The following IP6K3 variants were observed in gnomAD, a reference collection of about 807,000 sequenced individuals.
The protein encoded by IP6K3 is inositol hexakisphosphate kinase 3.
Under a neutral mutation model 28.8 loss-of-function variants are expected in IP6K3, and 20 were observed. That is an observed-to-expected ratio of 0.70 (90% CI 0.49 to 1.01). The LOEUF (loss-of-function observed/expected upper bound fraction) is 1.01, where lower values mean the gene tolerates loss of function less well. Ranked by LOEUF, IP6K3 falls within the 50% of genes least tolerant of loss-of-function variation. The pLI is 0.00. For synonymous variants in IP6K3, 213 were observed against 221.3 expected (o/e 0.96, Z 0.33); for missense variants, 480 against 537.1 (o/e 0.89, Z 1.05).
intron 1 of IP6K3, among the ~76,000 whole-genome samples, chr6:33,741,983 A>T (rs1336366812): frequency 6.6e-6 from 1 of 152,238 alleles, no homozygotes; most frequent in Non-Finnish European, 1.5e-5. Flanking sequence ...AGCAAAAAAA[A>T]AAAAAACAAA....
the IP6K3 span, among the ~76,000 whole-genome samples, chr6:33,755,403 G>C: frequency 6.6e-6 from 1 of 152,266 alleles, no homozygotes; most frequent in Non-Finnish European, 1.5e-5. Flanking sequence ...GCAGTGCCGG[G>C]AAGGGCAGCC....
rs779692737 is a variant in IP6K3, at chr6:33,725,509, CCTT to C, written c.694_696del (p.Lys232del). ...TGCGCACACTTCCTCATGTGGCGGG[CCTT>C]CTTCTCCTCCGATGCATCATCGCCG... On this transcript the variant is annotated inframe_deletion, in exon 5 of 6. Coordinates refer to ENST00000293756, the MANE Select transcript of IP6K3 (RefSeq NM_054111.5). 2.4e-5 allele frequency: 38 copies of C among 1,613,930 alleles called. 1 individual carries two copies. The highest frequency in any genetic ancestry group is 6.6e-5 in the South Asian group (6 of 91,082).
chr6:33,739,599 C>T (rs1766648753), intron 1 of IP6K3, among the ~76,000 whole-genome samples: 1 of 152,234 alleles, frequency 6.6e-6, no homozygotes, highest in African/African-American at 2.4e-5. Context: ...GTGTGGCCTC[C>T]AGCTCTGTGG....
intron 1 of IP6K3, among the ~76,000 whole-genome samples, chr6:33,741,328 A>T (rs1766711141): frequency 6.6e-6 from 1 of 152,214 alleles, no homozygotes; most frequent in Non-Finnish European, 1.5e-5. Context: ...GGCACCCAGT[A>T]TGGAGCTCTT....
chr6:33,726,919 G>A lies in IP6K3; in HGVS notation c.414-13C>T, dbSNP rs1042765772. 5.0e-6 allele frequency: 8 copies of A among 1,590,036 alleles called. No homozygotes were observed. The highest frequency in any genetic ancestry group is 6.9e-6 in the Non-Finnish European group (8 of 1,162,678). ...AGCCTTGGCCGGGCTGCGGCGGAGTGGAGCACAGGACGGTCAGAGCAGAGG... is the reference window on the plus strand; with the variant it reads ...AGCCTTGGCCGGGCTGCGGCGGAGTAGAGCACAGGACGGTCAGAGCAGAGG... On this transcript the variant is annotated splice_polypyrimidine_tract_variant and intron_variant, in intron 3 of 5. Coordinates refer to ENST00000293756, the MANE Select transcript of IP6K3 (RefSeq NM_054111.5).
In IP6K3 at chr6:33,742,895, C is replaced by T. The variant is rs1455850470; in HGVS notation, c.-180+3863G>A. On this transcript the variant is annotated intron_variant, in intron 1 of 5. Transcript: ENST00000293756. This position sits in a 1 kb window ranked among gnomAD's most constrained non-coding sequence, Gnocchi z 4.5. ...TCCAGGAGGAGGGGAGATGTTGGCT[C>T]AGCCTTGGGGAGCTTGGGGAGGGCC... Among the ~76,000 whole-genome samples, 2 of 151,978 alleles carry T rather than the reference C, an allele frequency of 1.3e-5. No individual in the cohort carries two copies. Among genetic ancestry groups the T allele is most frequent in the Non-Finnish European group, 2.9e-5 (2 of 67,986 alleles).
At chr6:33,756,320 G>C in the IP6K3 span, among the ~76,000 whole-genome samples, 1 of 152,212 alleles carries the variant, frequency 6.6e-6, no homozygotes, top group Non-Finnish European at 1.5e-5. Context: ...GCAGAGACTT[G>C]AGGAGGTAGG....
intron 2 of IP6K3, among the ~76,000 whole-genome samples, chr6:33,731,511 C>T (rs1227875075): frequency 6.6e-6 from 1 of 152,220 alleles, no homozygotes; most frequent in Non-Finnish European, 1.5e-5. Flanking sequence ...TTCCATTTCT[C>T]ATATTGTCAG....
At chr6:33,757,090 A>G in the IP6K3 span, among the ~76,000 whole-genome samples, 1 of 152,224 alleles carries the variant, frequency 6.6e-6, no homozygotes, top group African/African-American at 2.4e-5. Context: ...TATCCTCTGC[A>G]CACCTGGCCT....
intron 1 of IP6K3, among the ~76,000 whole-genome samples, chr6:33,743,523 G>T (rs539256762): frequency 6.6e-6 from 1 of 152,338 alleles, no homozygotes; most frequent in Admixed American, 6.5e-5. Context: ...TTCTCACATG[G>T]CTGAGGGGTT....
In IP6K3 at chr6:33,746,342, C is replaced by T. The variant is rs183673034; in HGVS notation, c.-180+416G>A. Among the ~76,000 whole-genome samples the T allele has an allele frequency of 2.6e-5, 4 of 152,264 alleles. No individual in the cohort carries two copies. Among genetic ancestry groups the T allele is most frequent in the East Asian group, 1.9e-4 (1 of 5,176 alleles). On this transcript the variant is annotated intron_variant, in intron 1 of 5. Coordinates refer to ENST00000293756, the MANE Select transcript of IP6K3 (RefSeq NM_054111.5). The surrounding 1 kb of genome is among the most constrained non-coding windows in gnomAD (Gnocchi z 6.5). The stretch of plus-strand genomic sequence containing the variant: ...GTTCCTGTGCCCAGGGGATGCTGCC[C>T]GCGTTTCTTGGACACCGGCCTCTGT...
chr6:33,736,269 C>G (rs2127359686), intron 1 of IP6K3, among the ~76,000 whole-genome samples: 1 of 152,334 alleles, frequency 6.6e-6, no homozygotes, highest in East Asian at 1.9e-4. Context: ...TGTATCTTAA[C>G]TTCACCTGAC....
At chr6:33,758,680 A>G in the IP6K3 span, among the ~76,000 whole-genome samples, 1 of 152,116 alleles carries the variant, frequency 6.6e-6, no homozygotes, top group African/African-American at 2.4e-5. Flanking sequence ...GCTAACTGCA[A>G]CCTCTGCCTC....
intron 2 of IP6K3, among the ~76,000 whole-genome samples, chr6:33,729,365 T>C (rs1766237636): frequency 6.6e-6 from 1 of 152,248 alleles, no homozygotes; most frequent in South Asian, 2.1e-4. Context: ...TCACCCTCTC[T>C]GTGCCTGCCC....
intron 2 of IP6K3, among the ~76,000 whole-genome samples, chr6:33,729,032 C>T (rs948555921): frequency 2.0e-5 from 3 of 152,318 alleles, no homozygotes; most frequent in South Asian, 2.1e-4. Flanking sequence ...ATCCTACCAT[C>T]GGTGTTGGTC....
intron 4 of IP6K3, among the ~76,000 whole-genome samples, chr6:33,726,186 CT>C (rs1309912751): frequency 6.6e-6 from 1 of 152,208 alleles, no homozygotes; most frequent in Non-Finnish European, 1.5e-5. Flanking sequence ...CCTAAATTTT[CT>C]TCCTGAAAAC....
chr6:33,749,963 T>C (rs145323646), upstream of IP6K3, among the ~76,000 whole-genome samples: 288 of 152,204 alleles, frequency 1.9e-3, 2 homozygotes, highest in African/African-American at 6.8e-3. Flanking sequence ...GAAAACCCCT[T>C]GGGCTCATAG....
chr6:33,745,888 A>T (rs572553995), intron 1 of IP6K3, among the ~76,000 whole-genome samples: 1 of 152,322 alleles, frequency 6.6e-6, no homozygotes, highest in Middle Eastern at 3.4e-3. Context: ...CAGGCGCAGG[A>T]TGTACAAGTG....
intron 4 of IP6K3, among the ~76,000 whole-genome samples, chr6:33,726,290 C>T (rs968284343): frequency 6.6e-6 from 1 of 152,170 alleles, no homozygotes; most frequent in African/African-American, 2.4e-5. Flanking sequence ...CTGTGTGGGC[C>T]CCATGGGAAG....
Sources: allele counts gnomAD v4.1 joint callset (sites outside exome capture counted in the v4.1 genomes callset), GRCh38; gene constraint gnomAD v4.1.1; non-coding constraint Gnocchi (gnomAD v3.1); transcripts MANE v1.5; gene names NCBI Gene and HGNC (gene_info 2026-07-23, HGNC 2026-07-21).